Variants in RYR3 observed in about 807,000 individuals in gnomAD.
RYR3 encodes brain ryanodine receptor-calcium release channel.
In RYR3, 207 loss-of-function variants were observed where a neutral mutation model predicts 584.3. The observed-to-expected ratio is 0.35, with a 90% CI of 0.32 to 0.40. RYR3 has a LOEUF of 0.40. Among genes scored for constraint, RYR3 ranks in the 10% least tolerant of loss-of-function variants. The pLI is 1.00. For synonymous variants in RYR3, 2,416 were observed against 2,248.5 expected, an observed-to-expected ratio of 1.07 and a Z score of -2.11; for missense variants, 5,616 against 6,089.2, an observed-to-expected ratio of 0.92 and a Z score of 2.59.
intron 18 of RYR3, among the ~76,000 whole-genome samples, chr15:33,604,273 T>C (rs989954482): frequency 6.6e-6 from 1 of 152,248 alleles, no homozygotes; most frequent in Admixed American, 6.5e-5. Context: ...ACCTGTATAT[T>C]TTCTTCTGTA....
At chr15:33,476,779 T>C (rs1465128858) in intron 2 of RYR3, among the ~76,000 whole-genome samples, 1 of 152,172 alleles carries the variant, frequency 6.6e-6, no homozygotes, top group East Asian at 1.9e-4. Flanking sequence ...AGTGTGCCCC[T>C]TTTATATGTA....
intron 12 of RYR3, among the ~76,000 whole-genome samples, chr15:33,579,413 A>G (rs2058480391): frequency 6.6e-6 from 1 of 152,064 alleles, no homozygotes; most frequent in Admixed American, 6.6e-5. Flanking sequence ...GATAGAGGCA[A>G]AGACCCAGTG....
chr15:33,618,917 TTAAC>T (rs1280569095), intron 19 of RYR3, among the ~76,000 whole-genome samples: 2 of 152,204 alleles, frequency 1.3e-5, no homozygotes, highest in African/African-American at 4.8e-5. Context: ...CTCCTGCAAA[TTAAC>T]AAGCAAAAAT....
intron 27 of RYR3, among the ~76,000 whole-genome samples, chr15:33,640,620 C>A (rs893180457): frequency 6.6e-6 from 1 of 152,064 alleles, no homozygotes; most frequent in Non-Finnish European, 1.5e-5. Flanking sequence ...TATAAGATTA[C>A]CCCCCTGCTC....
Position 33,669,348 on chromosome 15 carries a change from T to C in RYR3, c.5620-6T>C, listed in dbSNP as rs749327486. 1 of 1,613,666 alleles carries C rather than the reference T, an allele frequency of 6.2e-7. No individual in the cohort carries two copies. The highest frequency in any genetic ancestry group is 8.5e-7 in the Non-Finnish European group (1 of 1,179,622). On this transcript the variant is annotated splice_region_variant and splice_polypyrimidine_tract_variant and intron_variant, in intron 36 of 103. Transcript: ENST00000634891. ...CAACTAGCTATTCTTCTCTTGCCTC[T>C]CAAAGATCAACATGCTGCTTAACTT... is the stretch of plus-strand genomic sequence containing the variant.
chr15:33,713,330 T>C (rs2152796816), intron 43 of RYR3, among the ~76,000 whole-genome samples: 1 of 151,804 alleles, frequency 6.6e-6, no homozygotes, highest in South Asian at 2.1e-4. Flanking sequence ...TGGAATATGA[T>C]AGTTGGTCAG....
intron 20 of RYR3, among the ~76,000 whole-genome samples, chr15:33,624,475 G>A (rs2060884037): frequency 6.6e-6 from 1 of 152,068 alleles, no homozygotes; most frequent in Non-Finnish European, 1.5e-5. Context: ...GGGGAGGGAG[G>A]GTCTCCAGGG....
intron 78 of RYR3, 137 bp downstream of exon 78, chr15:33,820,949 G>T: frequency 1.2e-5 from 1 of 86,188 alleles, no homozygotes; most frequent in Non-Finnish European, 1.8e-5. Flanking sequence ...CCCTCAGCAG[G>T]TTTCCCTGTG....
At chr15:33,315,432 T>C (rs1021721666) in intron 1 of RYR3, among the ~76,000 whole-genome samples, 1 of 152,174 alleles carries the variant, frequency 6.6e-6, no homozygotes, top group Non-Finnish European at 1.5e-5. Flanking sequence ...ATGGAGGTAG[T>C]GCTAAAATTC....
chr15:33,824,346 G>GT (rs1567250062), intron 81 of RYR3, among the ~76,000 whole-genome samples: 1 of 152,146 alleles, frequency 6.6e-6, no homozygotes. Flanking sequence ...AACAATATAT[G>GT]TTTTTTAAAA....
chr15:33,522,857 T>G (rs1595432419), intron 3 of RYR3, among the ~76,000 whole-genome samples: 1 of 152,286 alleles, frequency 6.6e-6, no homozygotes, highest in East Asian at 1.9e-4. Flanking sequence ...GGGCTGTACT[T>G]TCTAATTCCC....
chr15:33,357,543 A>G (rs927531168), intron 1 of RYR3, among the ~76,000 whole-genome samples: 1 of 152,136 alleles, frequency 6.6e-6, no homozygotes. Context: ...AGATTTTCCA[A>G]CTTCCTGCAT....
intron 12 of RYR3, among the ~76,000 whole-genome samples, chr15:33,576,338 AC>A (rs1372594142): frequency 6.6e-6 from 1 of 152,158 alleles, no homozygotes; most frequent in African/African-American, 2.4e-5. Flanking sequence ...CAGGCCAATA[AC>A]CCTGATGAAC....
At chr15:33,813,836 A>G (rs17817626) in intron 74 of RYR3, 80,914 of 343,716 alleles carry the variant, frequency 0.24, 10,654 homozygotes, top group Non-Finnish European at 0.28. Context: ...CCAAGTAAGC[A>G]TATGGAAGTA....
intron 1 of RYR3, among the ~76,000 whole-genome samples, chr15:33,392,212 A>G (rs961684156): frequency 2.2e-4 from 33 of 151,936 alleles, no homozygotes; most frequent in African/African-American, 8.0e-4. Context: ...AAAAAAAAAA[A>G]AAATCGAAGT....
chr15:33,422,684 T>A (rs2044323768), intron 1 of RYR3, among the ~76,000 whole-genome samples: 1 of 152,144 alleles, frequency 6.6e-6, no homozygotes, highest in South Asian at 2.1e-4. Context: ...CCTGGGACTC[T>A]TCTGTATCGT....
chr15:33,616,384 T>A (rs1268899621), intron 19 of RYR3, among the ~76,000 whole-genome samples: 1 of 152,126 alleles, frequency 6.6e-6, no homozygotes, highest in African/African-American at 2.4e-5. Flanking sequence ...GTGGAGGGAT[T>A]TTTTTGGAAT....
At chr15:33,700,889 C>T in intron 41 of RYR3, 88 bp from the exon 42 acceptor site, 1 of 885,056 alleles carries the variant, frequency 1.1e-6, no homozygotes. Flanking sequence ...GCTGCCCTCT[C>T]CTGTCCGCTT....
intron 89 of RYR3, chr15:33,840,580 C>T: frequency 1.8e-6 from 1 of 551,620 alleles, no homozygotes; most frequent in Admixed American, 3.3e-5. Flanking sequence ...ACACAAGTTT[C>T]CTCTTTGAAT....
Sources: allele counts gnomAD v4.1 joint callset (sites outside exome capture counted in the v4.1 genomes callset), GRCh38; gene constraint gnomAD v4.1.1; transcripts MANE v1.5; gene names NCBI Gene and HGNC (gene_info 2026-07-23, HGNC 2026-07-21).